Variants in PPP1R3B observed in about 807,000 individuals in gnomAD.
The protein encoded by PPP1R3B is PP1 subunit R4.
A neutral mutation model predicts 14.6 loss-of-function variants in PPP1R3B; 8 were observed. The ratio of observed to expected loss-of-function variants is 0.55; its 90% CI spans 0.32 to 0.99. The LOEUF is 0.99. Ranked by LOEUF, PPP1R3B falls within the 50% of genes least tolerant of loss-of-function variation. PPP1R3B has a pLI of 0.04. For missense variants in PPP1R3B, 452 were observed against 360.1 expected (o/e 1.26, Z -2.07); for synonymous variants, 169 against 142.0 (o/e 1.19, Z -1.35).
chr8:9,149,740 G>A (rs570639124), intron 1 of PPP1R3B, among the ~76,000 whole-genome samples: 1 of 152,198 alleles, frequency 6.6e-6, no homozygotes, highest in Non-Finnish European at 1.5e-5. Flanking sequence ...GACCATGGGG[G>A]CCTATTCACA....
In PPP1R3B at chr8:9,138,566, G is replaced by C. The variant is rs887051104; in HGVS notation, c.*2228C>G. On this transcript the variant is annotated 3_prime_UTR_variant, in exon 2 of 2. Coordinates refer to ENST00000310455, the MANE Select transcript of PPP1R3B (RefSeq NM_024607.4). ...CTAGGAGCCAAGGCACTCAGTATCT[G>C]CCTGTTGGTTATGTACAAAGCCACA... The C allele has an allele frequency of 2.0e-5, 3 of 152,182 alleles. No homozygotes were observed. The highest frequency in any genetic ancestry group is 4.4e-5 in the Non-Finnish European group (3 of 68,046). 9.4% of individuals were successfully genotyped at this position (152,182 alleles called of 1,614,324 possible).
In PPP1R3B at chr8:9,141,169, T is replaced by G; in HGVS notation, c.483A>C (p.Lys161Asn). The G allele has an allele frequency of 6.2e-7, 1 of 1,614,228 alleles. No homozygotes were observed. Among genetic ancestry groups the G allele is most frequent in the Non-Finnish European group, 8.5e-7 (1 of 1,180,040 alleles). Residue 161 changes from lysine to asparagine, a missense_variant, in exon 2 of 2, where the codon AAA (lysine) becomes AAC (asparagine). By Grantham distance (94) the Lys-to-Asn change is moderately conservative. Coordinates refer to ENST00000310455, the MANE Select transcript of PPP1R3B (RefSeq NM_024607.4). Reference protein sequence around the residue: ...VQNLAFEKTVKIRMTFDTWKS... With the variant: ...VQNLAFEKTVNIRMTFDTWKS... ...TCCAGGTGTCGAACGTCATCCTTAT[T>G]TTCACGGTCTTCTCAAATGCGAGGT...
rs1352204796 is a variant in PPP1R3B at position 9,136,983 on chromosome 8, T to A, written c.*3811A>T. 6.6e-6 allele frequency: 1 copy of A among 152,202 alleles called. No homozygotes were observed. The highest frequency in any genetic ancestry group is 2.4e-5 in the African/African-American group (1 of 41,452). The allele number at this position is 152,202 out of a possible 1,614,324, so 9.4% of individuals were successfully genotyped here. A position where few individuals can be genotyped will look rare whatever the true frequency, so the allele number is the denominator to read the frequency against. Reference sequence around the variant, plus strand: ...TGCCTTTTTTCAAAAAGAAAATGGTTTGAAAAGATCAAAACCACAGAGCAA... The same window carrying A: ...TGCCTTTTTTCAAAAAGAAAATGGTATGAAAAGATCAAAACCACAGAGCAA... On this transcript the variant is annotated 3_prime_UTR_variant, in exon 2 of 2. Transcript: ENST00000310455.
At chr8:9,141,854 T>C (rs1290879704) in intron 1 of PPP1R3B, 186 bp from the exon 2 acceptor site, 1 of 135,934 alleles carries the variant, frequency 7.4e-6, no homozygotes, top group Non-Finnish European at 1.4e-5. Context: ...GAAGATTATG[T>C]TGTGGGGGGA....
In PPP1R3B at chr8:9,137,899, G is replaced by C. The variant is rs1800942729; in HGVS notation, c.*2895C>G. The C allele has an allele frequency of 6.6e-6, 1 of 152,186 alleles. No individual in the cohort carries two copies. The highest frequency in any genetic ancestry group is 1.5e-5 in the Non-Finnish European group (1 of 68,060). The allele number at this position is 152,186 out of a possible 1,614,324, so 9.4% of individuals were successfully genotyped here. A position where few individuals can be genotyped will look rare whatever the true frequency, so the allele number is the denominator to read the frequency against. On this transcript the variant is annotated 3_prime_UTR_variant, in exon 2 of 2. Transcript: ENST00000310455. The stretch of plus-strand genomic sequence containing the variant: ...GCCAGGGTGAGCTGGGAGAAAGACG[G>C]GTAGTGGGGAGGGTTTACGGCTGCT...
rs760220803 is a variant in PPP1R3B at position 9,141,325 on chromosome 8, G to C, written c.327C>G (p.Ser109Arg). 37 of 1,614,034 alleles carry C rather than the reference G, an allele frequency of 2.3e-5. No homozygotes were observed. In the Admixed American group the frequency reaches 4.2e-4, roughly 18 times the overall value. ...IVSLTTAESE[S>R]FVLDFSQPSA... ...AGGGCTGGGAAAAATCCAGAACAAA[G>C]CTCTCGCTCTCTGCTGTCGTCAAGC... The change falls in exon 2 of 2, where the codon AGC becomes AGG. Residue 109 changes from serine (S) to arginine (R), a missense_variant. Coordinates refer to ENST00000310455, the MANE Select transcript of PPP1R3B (RefSeq NM_024607.4).
Position 9,139,639 on chromosome 8 carries a change from C to T in PPP1R3B, c.*1155G>A, listed in dbSNP as rs1003135431. 2 of 151,438 alleles carry T rather than the reference C, an allele frequency of 1.3e-5. No individual in the cohort carries two copies. 9.4% of individuals were successfully genotyped at this position (151,438 alleles called of 1,614,324 possible). On this transcript the variant is annotated 3_prime_UTR_variant, in exon 2 of 2. Transcript: ENST00000310455. ...TCTCGGTTCACTGTAAGCTCCGCCT[C>T]CCAGGTTCCCGCCATTCTCCTGCCT...
In PPP1R3B at chr8:9,140,740, A is replaced by C; in HGVS notation, c.*54T>G. On this transcript the variant is annotated 3_prime_UTR_variant, in exon 2 of 2. Transcript: ENST00000310455. ...GGCCTTCCATCTCCACTGCACAGTG[A>C]GCAGAGCTAGGCTTGTCTGTGGCAG... 1 of 1,584,954 alleles carries C rather than the reference A, an allele frequency of 6.3e-7. No individual in the cohort carries two copies.
In PPP1R3B at chr8:9,141,227, T is replaced by G. The variant is rs1329473441; in HGVS notation, c.425A>C (p.Asp142Ala). ...HVCLENCVLK[D>A]KAIAGTVKVQ... is the part of the protein sequence containing the mutation. ...CTTCACAGTGCCTGCAATGGCCTTG[T>G]CCTTGAGCACACAGTTCTCAAGGCA... Residue 142 changes from aspartate (D) to alanine (A), a missense_variant, in exon 2 of 2, where the codon GAC becomes GCC. Coordinates refer to ENST00000310455, the MANE Select transcript of PPP1R3B (RefSeq NM_024607.4). 3 of 1,614,200 alleles carry G rather than the reference T, an allele frequency of 1.9e-6. No homozygotes were observed. Among genetic ancestry groups the G allele is most frequent in the Non-Finnish European group, 2.5e-6 (3 of 1,180,026 alleles).
In PPP1R3B at chr8:9,150,651, C is replaced by T. The variant is rs1801397110; in HGVS notation, c.-106G>A. The T allele has an allele frequency of 6.6e-6, 1 of 152,360 alleles. No homozygotes were observed. Among genetic ancestry groups the T allele is most frequent in the South Asian group, 2.1e-4 (1 of 4,838 alleles). 9.4% of individuals were successfully genotyped at this position (152,360 alleles called of 1,614,324 possible). A position where few individuals can be genotyped will look rare whatever the true frequency, so the allele number is the denominator to read the frequency against. On this transcript the variant is annotated 5_prime_UTR_variant, in exon 1 of 2. Transcript: ENST00000310455. ...GTGGCAAGCGCGACTACGTGAGCGT[C>T]GGTGTGTCCGGGAGGCAGGGCCTGG...
Position 9,141,511 on chromosome 8 carries a change from A to G in PPP1R3B, c.141T>C (p.Ser47=), listed in dbSNP as rs745552254. The G allele has an allele frequency of 2.6e-5, 42 of 1,613,918 alleles. No individual in the cohort carries two copies. The highest frequency in any genetic ancestry group is 3.3e-5 in the Admixed American group (2 of 59,990). ...CCTGGACAGCCGGGGCCACCATTCCACTGGCTTCATTCTTGCTGCTCAGCT... is the reference window on the plus strand; with the variant it reads ...CCTGGACAGCCGGGGCCACCATTCCGCTGGCTTCATTCTTGCTGCTCAGCT... ...CIQLSSKNEA[S]GMVAPAVQEK... The change falls in exon 2 of 2, where the codon AGT becomes AGC. Residue 47 remains serine, a synonymous_variant. Coordinates refer to ENST00000310455, the MANE Select transcript of PPP1R3B (RefSeq NM_024607.4).
At chr8:9,148,620 G>A (rs1428035557) in intron 1 of PPP1R3B, among the ~76,000 whole-genome samples, 1 of 152,170 alleles carries the variant, frequency 6.6e-6, no homozygotes, top group African/African-American at 2.4e-5. Context: ...CTAAGACAGG[G>A]CAAACCCTAA....
chr8:9,141,696 A>C, intron 1 of PPP1R3B, 28 bp from the exon 2 acceptor site: 1 of 1,587,488 alleles, frequency 6.3e-7, no homozygotes, highest in East Asian at 2.3e-5. Context: ...GAAGAGAAGA[A>C]AGAAAACAGT....
rs368812412 is a variant in PPP1R3B, at chr8:9,141,101, T to C, written c.551A>G (p.Tyr184Cys). The change falls in exon 2 of 2, where the codon TAT becomes TGT. Residue 184 changes from tyrosine to cysteine, a missense_variant. By Grantham distance (194) the Tyr-to-Cys change is radical. Transcript: ENST00000310455. ...DFPCQYVKDTYAGSDRDTFSF... is the reference protein window; with the variant it reads ...DFPCQYVKDTCAGSDRDTFSF... ...GAACGTGTCCCTGTCTGAACCGGCA[T>C]AAGTGTCCTTCACGTACTGACAAGG... 6.8e-6 allele frequency: 11 copies of C among 1,614,032 alleles called. No individual in the cohort carries two copies. Among genetic ancestry groups the C allele is most frequent in the Non-Finnish European group, 9.3e-6 (11 of 1,180,036 alleles).
intron 1 of PPP1R3B, among the ~76,000 whole-genome samples, chr8:9,148,725 A>AT (rs5889263): frequency 0.048 from 7,266 of 152,332 alleles, 278 homozygotes; most frequent in East Asian, 0.15. Flanking sequence ...GGCCATGGTG[A>AT]TAACTATAGA....
chr8:9,149,272 G>T (rs1018300533), intron 1 of PPP1R3B, among the ~76,000 whole-genome samples: 5 of 149,976 alleles, frequency 3.3e-5, no homozygotes, highest in Non-Finnish European at 7.4e-5. Context: ...AGGCCGAGGC[G>T]GGCAGATCAC....
chr8:9,147,800 C>G (rs1174863490), intron 1 of PPP1R3B, among the ~76,000 whole-genome samples: 1 of 151,962 alleles, frequency 6.6e-6, no homozygotes, highest in Non-Finnish European at 1.5e-5. Flanking sequence ...AACAATGCTG[C>G]TGGCACTTGA....
rs960859034 is a variant in PPP1R3B at position 9,140,822 on chromosome 8, C to G, written c.830G>C (p.Gly277Ala). The G allele has an allele frequency of 5.6e-6, 9 of 1,613,982 alleles. No individual in the cohort carries two copies. In the Admixed American group the frequency reaches 8.3e-5, roughly 15 times the overall value. Reference protein sequence around the residue: ...GLFPEWPSYLGYEKLGPYY With the variant: ...GLFPEWPSYLAYEKLGPYY ...GTAGTAGGGCCCTAGCTTTTCATATCCTAAGTAACTTGGCCACTCTGGAAA... is the reference window on the plus strand; with the variant it reads ...GTAGTAGGGCCCTAGCTTTTCATATGCTAAGTAACTTGGCCACTCTGGAAA... The change falls in exon 2 of 2, where the codon GGA becomes GCA. Residue 277 changes from glycine to alanine, a missense_variant. Coordinates refer to ENST00000310455, the MANE Select transcript of PPP1R3B (RefSeq NM_024607.4).
At chr8:9,144,218 T>G (rs1030756540) in intron 1 of PPP1R3B, among the ~76,000 whole-genome samples, 1 of 151,560 alleles carries the variant, frequency 6.6e-6, no homozygotes, top group Non-Finnish European at 1.5e-5. Context: ...GACTGGGTCT[T>G]ACTCTGTCAC....
Sources: allele counts gnomAD v4.1 joint callset (sites outside exome capture counted in the v4.1 genomes callset), GRCh38; gene constraint gnomAD v4.1.1; transcripts MANE v1.5; gene names NCBI Gene and HGNC (gene_info 2026-07-23, HGNC 2026-07-21).